DZIP3: variants seen among roughly 807,000 people sequenced by gnomAD.
The protein encoded by DZIP3 is E3 ubiquitin-protein ligase DZIP3.
Under a neutral mutation model 162.0 loss-of-function variants are expected in DZIP3, and 118 were observed. That is an observed-to-expected ratio of 0.73 (90% confidence interval 0.63 to 0.85). The LOEUF (loss-of-function observed/expected upper bound fraction) is 0.85, where lower values mean the gene tolerates loss of function less well. DZIP3 is among the 40% of genes least tolerant of loss of function. DZIP3 has a pLI of 0.00. For missense variants in DZIP3, 1,331 were observed against 1,407.0 expected (o/e 0.95, Z 0.86); for synonymous variants, 438 against 458.6 (o/e 0.96, Z 0.57).
At chr3:108,589,555 G>C (rs1222231190), upstream of DZIP3, 10 of 498,976 alleles carry the variant, frequency 2.0e-5, no homozygotes, top group Non-Finnish European at 1.1e-5. Context: ...CGGCCGGGGT[G>C]GGCCAGGGGT....
chr3:108,642,557 A>C, intron 13 of DZIP3, 43 bp downstream of exon 13: 1 of 1,405,178 alleles, frequency 7.1e-7, no homozygotes, highest in Non-Finnish European at 9.5e-7. Context: ...AAAGTATGTT[A>C]AAATTTTTGA....
intron 5 of DZIP3, among the ~76,000 whole-genome samples, chr3:108,618,095 G>A (rs1039731553): frequency 1.3e-5 from 2 of 152,166 alleles, no homozygotes; most frequent in African/African-American, 4.8e-5. Context: ...GTATTATGGG[G>A]GTGCAGTTGC....
At chr3:108,674,421 G>A (rs559891209) in intron 24 of DZIP3, among the ~76,000 whole-genome samples, 91 of 151,588 alleles carry the variant, frequency 6.0e-4, no homozygotes, top group African/African-American at 1.6e-3. Flanking sequence ...TAGTTACTTT[G>A]ATGCTTGTAC....
At chr3:108,603,755 G>C (rs1940165488) in intron 1 of DZIP3, among the ~76,000 whole-genome samples, 1 of 152,130 alleles carries the variant, frequency 6.6e-6, no homozygotes, top group African/African-American at 2.4e-5. Context: ...TACTTTCTGT[G>C]TTACTTAGAG....
chr3:108,625,962 CAA>C lies in DZIP3; in HGVS notation c.577_578del (p.Lys193GlufsTer3). On this transcript the variant is annotated frameshift_variant, in exon 7 of 33. Coordinates refer to ENST00000361582, the MANE Select transcript of DZIP3 (RefSeq NM_014648.4). LOFTEE classifies it high-confidence loss of function. Reference protein sequence around the residue: ...YFGRGLLRCAQKRYNGGLLEF... With the variant: ...YFGRGLLRCAXKRYNGGLLEF... The stretch of plus-strand genomic sequence containing the variant: ...TGGACGTGGTTTACTGCGATGTGCT[CAA>C]AAGAGGTAAGGATTTTAATTAACGG... 6.2e-7 allele frequency: 1 copy of C among 1,611,258 alleles called. No individual in the cohort carries two copies. Among genetic ancestry groups the C allele is most frequent in the South Asian group, 1.1e-5 (1 of 90,158 alleles).
chr3:108,611,110 T>C, intron 3 of DZIP3, 64 bp from the exon 4 acceptor site: 1 of 1,445,138 alleles, frequency 6.9e-7, no homozygotes, highest in East Asian at 2.4e-5. Flanking sequence ...TTGGCTGATC[T>C]TAGAATTAAG....
At chr3:108,636,088 A>C (rs926793364) in intron 10 of DZIP3, among the ~76,000 whole-genome samples, 3 of 152,006 alleles carry the variant, frequency 2.0e-5, no homozygotes, top group African/African-American at 7.2e-5. Context: ...TAAACTGTAA[A>C]AACAATTGTA....
At chr3:108,628,711 C>T (rs966657452) in intron 7 of DZIP3, among the ~76,000 whole-genome samples, 23 of 152,214 alleles carry the variant, frequency 1.5e-4, no homozygotes, top group African/African-American at 5.5e-4. Context: ...TAGAGGCCTT[C>T]TGGCTTTCAC....
At chr3:108,599,256 A>G (rs1420770245) in intron 1 of DZIP3, among the ~76,000 whole-genome samples, 2 of 152,226 alleles carry the variant, frequency 1.3e-5, no homozygotes, top group Non-Finnish European at 2.9e-5. Context: ...AGTTTCTGAT[A>G]ACTTTTGCAA....
At chr3:108,637,935 A>G (rs1211292655) in intron 12 of DZIP3, among the ~76,000 whole-genome samples, 1 of 152,214 alleles carries the variant, frequency 6.6e-6, no homozygotes, top group Admixed American at 6.5e-5. Context: ...GCAGAGTAAT[A>G]TATTTGATAA....
At chr3:108,593,695 T>TA (rs1267287248) in intron 1 of DZIP3, among the ~76,000 whole-genome samples, 2 of 140,664 alleles carry the variant, frequency 1.4e-5, no homozygotes, top group African/African-American at 5.2e-5. Flanking sequence ...TTTTTTTTTT[T>TA]AATATGGTTT....
chr3:108,608,283 A>G, intron 3 of DZIP3, 125 bp downstream of exon 3: 3 of 667,734 alleles, frequency 4.5e-6, no homozygotes, highest in Non-Finnish European at 7.7e-6. Flanking sequence ...CTACTTTCCT[A>G]CCTTCATAAG....
At position 108,644,423 on chromosome 3, in the gene DZIP3, A is replaced by T; in HGVS notation, c.1401A>T (p.Leu467Phe). ...KELPQSKQFD[L>F]CLLLALIKHL... ...TACCGCAATCCAAACAGTTTGACTT[A>T]TGCCTCCTGTTAGCTCTTATAAAAC... Residue 467 changes from leucine (L) to phenylalanine (F), a missense_variant, in exon 14 of 33, where the codon TTA becomes TTT. By Grantham distance (22) the Leu-to-Phe change is conservative. Coordinates refer to ENST00000361582, the MANE Select transcript of DZIP3 (RefSeq NM_014648.4). 2 of 1,614,032 alleles carry T rather than the reference A, an allele frequency of 1.2e-6. No homozygotes were observed. Among genetic ancestry groups the T allele is most frequent in the Non-Finnish European group, 1.7e-6 (2 of 1,179,982 alleles).
At chr3:108,651,507 A>G (rs780727442) in intron 18 of DZIP3, among the ~76,000 whole-genome samples, 47 of 151,692 alleles carry the variant, frequency 3.1e-4, no homozygotes, top group East Asian at 5.8e-4. Flanking sequence ...CCTAATTTTA[A>G]AGGATGCATC....
intron 26 of DZIP3, among the ~76,000 whole-genome samples, chr3:108,678,526 A>T (rs145479520): frequency 6.6e-6 from 1 of 151,982 alleles, no homozygotes. Context: ...TTTATATTCT[A>T]TTCTACCTCC....
At chr3:108,655,932 C>T (rs1448413975) in intron 19 of DZIP3, among the ~76,000 whole-genome samples, 2 of 152,160 alleles carry the variant, frequency 1.3e-5, no homozygotes, top group Non-Finnish European at 2.9e-5. Flanking sequence ...TGCATGGTGG[C>T]AGCGAGGCTA....
At chr3:108,608,979 G>T (rs957467930) in intron 3 of DZIP3, among the ~76,000 whole-genome samples, 2 of 152,154 alleles carry the variant, frequency 1.3e-5, no homozygotes, top group South Asian at 2.1e-4. Flanking sequence ...GAAGGCAAAG[G>T]GGAAGCAAGC....
intron 17 of DZIP3, 111 bp from the exon 18 acceptor site, chr3:108,651,026 T>A (rs923820797): frequency 2.8e-6 from 1 of 355,830 alleles, no homozygotes; most frequent in Non-Finnish European, 4.7e-6. Context: ...TATATTTCTT[T>A]AGTTATGATC....
At chr3:108,622,239 G>T (rs1368998595) in intron 5 of DZIP3, among the ~76,000 whole-genome samples, 1 of 152,158 alleles carries the variant, frequency 6.6e-6, no homozygotes, top group Non-Finnish European at 1.5e-5. Context: ...GGAAGGGTAG[G>T]TGGGGGTTGG....
Sources: gnomAD v4.1 joint callset for allele counts (sites outside exome capture counted in the v4.1 genomes callset) on GRCh38, gnomAD v4.1.1 for gene constraint, MANE v1.5 for transcripts, NCBI Gene and HGNC (gene_info 2026-07-23, HGNC 2026-07-21) for gene names.